The following PBX1 variants were observed in gnomAD, a reference collection of about 807,000 sequenced individuals.
The protein encoded by PBX1 is PBX homeobox 1.
A neutral mutation model predicts 53.4 loss-of-function variants in PBX1; 6 were observed. The observed-to-expected ratio is 0.11, with a 90% CI of 0.06 to 0.22. PBX1 has a LOEUF of 0.22. PBX1 is among the 10% of genes least tolerant of loss of function. PBX1 has a pLI of 1.00. For missense variants in PBX1, 251 were observed against 551.4 expected (o/e 0.46, Z 5.46); for synonymous variants, 204 against 212.3 (o/e 0.96, Z 0.34).
At chr1:164,883,813 A>G (rs1672716576) in intron 2 of PBX1, among the ~76,000 whole-genome samples, 1 of 152,204 alleles carries the variant, frequency 6.6e-6, no homozygotes, top group Admixed American at 6.5e-5. Flanking sequence ...TAGATGCACT[A>G]TTAACTTTTG....
At position 164,849,416 on chromosome 1, in the gene PBX1, T is replaced by G; in HGVS notation, c.*2740T>G. Reference sequence around the variant, plus strand: ...TGGCATCCGTGAGATCTGTCCACATTAGGCGAAGCAGGAGAACACTGAGAG... The same window carrying G: ...TGGCATCCGTGAGATCTGTCCACATGAGGCGAAGCAGGAGAACACTGAGAG... On this transcript the variant is annotated 3_prime_UTR_variant, in exon 9 of 9. Coordinates refer to ENST00000420696, the MANE Select transcript of PBX1 (RefSeq NM_002585.4). 6.5e-7 allele frequency: 1 copy of G among 1,535,546 alleles called. No individual in the cohort carries two copies. Among genetic ancestry groups the G allele is most frequent in the South Asian group, 1.2e-5 (1 of 84,046 alleles).
intron 2 of PBX1, among the ~76,000 whole-genome samples, chr1:164,714,272 A>G (rs1372981926): frequency 6.6e-6 from 1 of 152,234 alleles, no homozygotes; most frequent in African/African-American, 2.4e-5. Context: ...GGGATCTTAC[A>G]TGTATGATCT....
At chr1:164,874,517 C>T (rs762232385) in intron 2 of PBX1, among the ~76,000 whole-genome samples, 3 of 152,070 alleles carry the variant, frequency 2.0e-5, no homozygotes, top group Non-Finnish European at 4.4e-5. Context: ...GTTTTTGAGA[C>T]AGAATCTTAC....
chr1:164,572,453 GA>G (rs1653946063), intron 2 of PBX1, among the ~76,000 whole-genome samples: 1 of 152,098 alleles, frequency 6.6e-6, no homozygotes, highest in Non-Finnish European at 1.5e-5. Flanking sequence ...ATCTCTGTTA[GA>G]ACTATTTGCA....
At chr1:164,826,526 T>A (rs894992509) in intron 8 of PBX1, among the ~76,000 whole-genome samples, 1 of 152,084 alleles carries the variant, frequency 6.6e-6, no homozygotes, top group African/African-American at 2.4e-5. Flanking sequence ...TGCCTCAGCC[T>A]CCTAAGTAGC....
intron 2 of PBX1, among the ~76,000 whole-genome samples, chr1:164,786,716 T>TG (rs779103356): frequency 1.0e-5 from 1 of 99,336 alleles, no homozygotes; most frequent in Admixed American, 9.8e-5. Context: ...TGTGTGTGTG[T>TG]GTGTGCGCGC....
intron 2 of PBX1, among the ~76,000 whole-genome samples, chr1:164,694,318 A>G (rs554609772): frequency 7.9e-5 from 12 of 152,318 alleles, no homozygotes; most frequent in African/African-American, 2.9e-4. Context: ...ATCACTAAGT[A>G]TTCGTATGCC....
chr1:164,641,887 A>G (rs1015789756), intron 2 of PBX1: 2 of 152,150 alleles, frequency 1.3e-5, no homozygotes, highest in Non-Finnish European at 2.9e-5. Flanking sequence ...CCCTTCCTTT[A>G]AGGAAGTTAG....
At chr1:164,625,959 C>T (rs1658007246) in intron 2 of PBX1, 1 of 1,038,866 alleles carries the variant, frequency 9.6e-7, no homozygotes, top group South Asian at 4.6e-5. Context: ...CGGAACTGCC[C>T]CTCATTGTTC....
chr1:164,880,277 C>A (rs1434769842), intron 2 of PBX1, among the ~76,000 whole-genome samples: 1 of 152,140 alleles, frequency 6.6e-6, no homozygotes, highest in Non-Finnish European at 1.5e-5. Flanking sequence ...TTAGTTCCTG[C>A]CCTTGATAAA....
At chr1:164,580,532 G>A (rs369487295) in intron 2 of PBX1, among the ~76,000 whole-genome samples, 28 of 151,834 alleles carry the variant, frequency 1.8e-4, no homozygotes, top group Admixed American at 2.0e-4. Context: ...CACCTGCCTC[G>A]GCCTCCCACA....
At chr1:164,642,379 A>G (rs1659196790) in intron 2 of PBX1, among the ~76,000 whole-genome samples, 1 of 152,182 alleles carries the variant, frequency 6.6e-6, no homozygotes, top group Non-Finnish European at 1.5e-5. Flanking sequence ...ACTCTCACCA[A>G]CATGATTTCT....
At chr1:164,616,109 C>A (rs1172833081) in intron 2 of PBX1, among the ~76,000 whole-genome samples, 1 of 152,186 alleles carries the variant, frequency 6.6e-6, no homozygotes, top group African/African-American at 2.4e-5. Context: ...CTTAGTCTCT[C>A]TCTCTCTCTC....
At chr1:164,637,405 G>A (rs1237908435) in intron 2 of PBX1, among the ~76,000 whole-genome samples, 1 of 152,206 alleles carries the variant, frequency 6.6e-6, no homozygotes, top group Non-Finnish European at 1.5e-5. Flanking sequence ...TGAAAGCAGC[G>A]GGGCTGGTCG....
chr1:164,849,701 G>A lies in PBX1; in HGVS notation c.*3025G>A, dbSNP rs140017132. ...TCCCTCTGGCATGGAATTGACGCCC[G>A]TGCAGTACATTTGCCAAGTGGCACC... On this transcript the variant is annotated 3_prime_UTR_variant, in exon 9 of 9. Coordinates refer to ENST00000420696, the MANE Select transcript of PBX1 (RefSeq NM_002585.4). The A allele has an allele frequency of 3.0e-3, 957 of 320,758 alleles. 2 individuals carry two copies. Among genetic ancestry groups the A allele is most frequent in the Middle Eastern group, 0.016 (20 of 1,220 alleles). The allele number at this position is 320,758 out of a possible 1,614,324, so 19.9% of individuals were successfully genotyped here. A position where few individuals can be genotyped will look rare whatever the true frequency, so the allele number is the denominator to read the frequency against.
chr1:164,737,178 G>A (rs905642351), intron 2 of PBX1, among the ~76,000 whole-genome samples: 7 of 152,166 alleles, frequency 4.6e-5, no homozygotes, highest in African/African-American at 1.7e-4. Flanking sequence ...AAAGCTCCAA[G>A]TACAGGCCAT....
chr1:164,761,662 C>T (rs1397548477), intron 2 of PBX1, among the ~76,000 whole-genome samples: 1 of 152,166 alleles, frequency 6.6e-6, no homozygotes, highest in African/African-American at 2.4e-5. Context: ...CCAGGATGGT[C>T]TCGATCTCCT....
intron 2 of PBX1, among the ~76,000 whole-genome samples, chr1:164,784,821 C>G (rs1668099881): frequency 6.6e-6 from 1 of 152,068 alleles, no homozygotes; most frequent in African/African-American, 2.4e-5. Context: ...CTAAATCCTT[C>G]AAATCCCTGA....
intron 2 of PBX1, among the ~76,000 whole-genome samples, chr1:164,764,952 T>G (rs1366017202): frequency 1.3e-5 from 2 of 152,196 alleles, no homozygotes; most frequent in Non-Finnish European, 2.9e-5. Context: ...CAAGTTGTCT[T>G]TATTATAATT....
Sources: gnomAD v4.1 joint callset for allele counts (sites outside exome capture counted in the v4.1 genomes callset) on GRCh38, gnomAD v4.1.1 for gene constraint, MANE v1.5 for transcripts, NCBI Gene and HGNC (gene_info 2026-07-23, HGNC 2026-07-21) for gene names.